The following CALCR variants were observed in gnomAD, a reference collection of about 807,000 sequenced individuals.
CALCR encodes calcitonin receptor.
CALCR carries 47 observed loss-of-function variants against 59.5 expected under a neutral mutation model. The observed-to-expected ratio is 0.79, with a 90% CI of 0.63 to 1.01. The LOEUF (loss-of-function observed/expected upper bound fraction) is 1.01, where lower values mean the gene tolerates loss of function less well. Among genes scored for constraint, CALCR ranks in the 50% least tolerant of loss-of-function variants. CALCR has a pLI of 0.00. For missense variants in CALCR, 566 were observed against 597.1 expected (o/e 0.95, Z 0.54); for synonymous variants, 213 against 211.3 (o/e 1.01, Z -0.07).
At chr7:93,504,611 C>A (rs118076520) in intron 2 of CALCR, among the ~76,000 whole-genome samples, 3 of 152,066 alleles carry the variant, frequency 2.0e-5, no homozygotes, top group Non-Finnish European at 4.4e-5. Flanking sequence ...AAGAGAGATA[C>A]GTGTTCAAAA....
At chr7:93,490,483 A>G (rs925796213) in intron 2 of CALCR, among the ~76,000 whole-genome samples, 2 of 151,930 alleles carry the variant, frequency 1.3e-5, no homozygotes, top group African/African-American at 2.4e-5. Flanking sequence ...TTTGCAGACA[A>G]CATGGTTTTA....
intron 8 of CALCR, among the ~76,000 whole-genome samples, chr7:93,458,398 A>G (rs1288042262): frequency 6.6e-6 from 1 of 152,168 alleles, no homozygotes; most frequent in African/African-American, 2.4e-5. Context: ...ACAGTTAAGC[A>G]GAGAAACAAA....
chr7:93,490,253 T>C (rs1278627692), intron 2 of CALCR, among the ~76,000 whole-genome samples: 1 of 151,842 alleles, frequency 6.6e-6, no homozygotes, highest in East Asian at 1.9e-4. Flanking sequence ...TGATGGAACA[T>C]ATCTCAAAAT....
rs115521723 is a variant in CALCR, at chr7:93,536,241, C to A, written c.-27+38048G>T. Among the ~76,000 whole-genome samples the A allele has an allele frequency of 5.7e-3, 859 of 151,798 alleles. 7 individuals carry two copies. The highest frequency in any genetic ancestry group is 0.018 in the African/African-American group (752 of 41,472). Reference sequence around the variant, plus strand: ...TTTCTATGCTAAATGCCTCTTGCCCCTAGACAGACACACACTATTTCATGG... The same window carrying A: ...TTTCTATGCTAAATGCCTCTTGCCCATAGACAGACACACACTATTTCATGG... On this transcript the variant is annotated intron_variant, in intron 2 of 13. Coordinates refer to ENST00000426151, the MANE Select transcript of CALCR (RefSeq NM_001742.4).
intron 2 of CALCR, among the ~76,000 whole-genome samples, chr7:93,515,014 C>A (rs939913143): frequency 4.9e-4 from 75 of 152,054 alleles, no homozygotes; most frequent in African/African-American, 1.6e-3. Flanking sequence ...TATGTCCTTT[C>A]TAAAAACATT....
At chr7:93,457,054 T>C (rs1800223145) in intron 8 of CALCR, among the ~76,000 whole-genome samples, 1 of 152,144 alleles carries the variant, frequency 6.6e-6, no homozygotes, top group African/African-American at 2.4e-5. Flanking sequence ...CTATGTGCTG[T>C]GTCTGGCAGA....
At chr7:93,557,308 T>C (rs1789633814) in intron 2 of CALCR, among the ~76,000 whole-genome samples, 1 of 151,754 alleles carries the variant, frequency 6.6e-6, no homozygotes, top group Non-Finnish European at 1.5e-5. Flanking sequence ...TATATATATA[T>C]TTATGGTATG....
At chr7:93,557,012 G>A (rs1563019858) in intron 2 of CALCR, among the ~76,000 whole-genome samples, 1 of 152,026 alleles carries the variant, frequency 6.6e-6, no homozygotes, top group South Asian at 2.1e-4. Flanking sequence ...GAGGCTAAAT[G>A]TCTTATCATA....
At chr7:93,428,386 G>T (rs1431673537) in intron 13 of CALCR, among the ~76,000 whole-genome samples, 1 of 152,206 alleles carries the variant, frequency 6.6e-6, no homozygotes. Context: ...TTATTTGGGT[G>T]GTACTATTAC....
At chr7:93,459,113 A>C (rs1359480752) in intron 8 of CALCR, among the ~76,000 whole-genome samples, 1 of 152,212 alleles carries the variant, frequency 6.6e-6, no homozygotes, top group Non-Finnish European at 1.5e-5. Flanking sequence ...TTATTTAAAC[A>C]GTGGATTGAT....
At chr7:93,488,718 T>A (rs1012141689) in intron 2 of CALCR, among the ~76,000 whole-genome samples, 6 of 151,074 alleles carry the variant, frequency 4.0e-5, no homozygotes, top group Admixed American at 6.6e-5. Context: ...AGCTAACTAC[T>A]CTAAATATAT....
intron 8 of CALCR, among the ~76,000 whole-genome samples, chr7:93,454,763 T>TA (rs143021485): frequency 0.062 from 9,407 of 151,874 alleles, 914 homozygotes; most frequent in African/African-American, 0.21. Flanking sequence ...TAACTTTTTT[T>TA]AAAAAAAGAA....
chr7:93,540,156 T>C (rs1789094308), intron 2 of CALCR, among the ~76,000 whole-genome samples: 1 of 152,202 alleles, frequency 6.6e-6, no homozygotes, highest in Admixed American at 6.6e-5. Flanking sequence ...AAAACTCCGA[T>C]TAATTCAGCA....
intron 3 of CALCR, chr7:93,482,644 C>G (rs1800823757): frequency 2.8e-6 from 1 of 360,776 alleles, no homozygotes; most frequent in Non-Finnish European, 5.5e-6. Context: ...AGTAGAAAAC[C>G]CTATGCTTGT....
chr7:93,514,702 G>C (rs896472769), intron 2 of CALCR, among the ~76,000 whole-genome samples: 4 of 151,902 alleles, frequency 2.6e-5, no homozygotes, highest in African/African-American at 9.7e-5. Context: ...TGGGGTACTT[G>C]ATTTCATGTG....
intron 2 of CALCR, among the ~76,000 whole-genome samples, chr7:93,501,129 G>C (rs974213146): frequency 7.2e-5 from 11 of 151,952 alleles, no homozygotes; most frequent in African/African-American, 2.7e-4. Context: ...TGTCAGCAAC[G>C]ATATACAAAT....
At chr7:93,483,408 T>TATAG (rs71782849) in intron 3 of CALCR, among the ~76,000 whole-genome samples, 1,641 of 140,872 alleles carry the variant, frequency 0.012, 10 homozygotes, top group East Asian at 0.023. Context: ...GGGCTGACTG[T>TATAG]ATAGATAGAT....
chr7:93,507,751 C>CAAAAAAAAAA (rs562704303), intron 2 of CALCR, among the ~76,000 whole-genome samples: 7 of 51,976 alleles, frequency 1.3e-4, no homozygotes, highest in African/African-American at 1.7e-4. Context: ...ACTAAAAATA[C>CAAAAAAAAAA]AAAAAAAAAA....
chr7:93,571,270 T>C (rs1284525782), intron 2 of CALCR, among the ~76,000 whole-genome samples: 2 of 152,282 alleles, frequency 1.3e-5, no homozygotes, highest in South Asian at 4.1e-4. Flanking sequence ...TGATTACTTA[T>C]GTTCTTGTCA....
Sources: gnomAD v4.1 joint callset for allele counts (sites outside exome capture counted in the v4.1 genomes callset) on GRCh38, gnomAD v4.1.1 for gene constraint, MANE v1.5 for transcripts, NCBI Gene and HGNC (gene_info 2026-07-23, HGNC 2026-07-21) for gene names.